Variants in CNTNAP2 observed in about 807,000 individuals in gnomAD.
The protein encoded by CNTNAP2 is contactin-associated protein-like 2.
Under a neutral mutation model 155.2 loss-of-function variants are expected in CNTNAP2, and 98 were observed. The observed-to-expected ratio is 0.63, with a 90% CI of 0.54 to 0.75. The LOEUF (loss-of-function observed/expected upper bound fraction) is 0.75, where lower values mean the gene tolerates loss of function less well. Ranked by LOEUF, CNTNAP2 falls within the 30% of genes least tolerant of loss-of-function variation. The pLI, the probability that CNTNAP2 is intolerant of heterozygous loss-of-function variation, is 0.00. For missense variants in CNTNAP2, 1,727 were observed against 1,688.1 expected, an observed-to-expected ratio of 1.02 and a Z score of -0.40; for synonymous variants, 651 against 631.2, an observed-to-expected ratio of 1.03 and a Z score of -0.47.
At chr7:147,636,923 G>A (rs1795190633) in intron 12 of CNTNAP2, among the ~76,000 whole-genome samples, 1 of 152,158 alleles carries the variant, frequency 6.6e-6, no homozygotes, top group Non-Finnish European at 1.5e-5. Context: ...AAGAGAAGAA[G>A]GAGTGGGTCC....
At chr7:146,708,495 A>G (rs1437015415) in intron 1 of CNTNAP2, among the ~76,000 whole-genome samples, 2 of 151,304 alleles carry the variant, frequency 1.3e-5, no homozygotes, top group Non-Finnish European at 2.9e-5. Flanking sequence ...TTAGCCTGAA[A>G]TATTAAAGTG....
chr7:146,449,275 A>G (rs1221528989), intron 1 of CNTNAP2, among the ~76,000 whole-genome samples: 1 of 152,070 alleles, frequency 6.6e-6, no homozygotes, highest in Non-Finnish European at 1.5e-5. Context: ...TGGCTGCTTT[A>G]AAATCCTTGT....
chr7:146,308,548 A>G (rs1384728997), intron 1 of CNTNAP2, among the ~76,000 whole-genome samples: 1 of 151,488 alleles, frequency 6.6e-6, no homozygotes, highest in African/African-American at 2.4e-5. Flanking sequence ...TTGCGGCACT[A>G]TTCACAATAG....
chr7:146,731,333 T>C (rs1406953659), intron 1 of CNTNAP2, among the ~76,000 whole-genome samples: 1 of 152,154 alleles, frequency 6.6e-6, no homozygotes, highest in Non-Finnish European at 1.5e-5. Context: ...ACACATCACG[T>C]GGAACCATGG....
intron 9 of CNTNAP2, among the ~76,000 whole-genome samples, chr7:147,369,331 C>G (rs1290649482): frequency 6.6e-6 from 1 of 152,174 alleles, no homozygotes; most frequent in Non-Finnish European, 1.5e-5. Flanking sequence ...TCTGTCTCCC[C>G]CAAGCTAAAC....
chr7:148,004,294 A>T (rs541007231), intron 15 of CNTNAP2, among the ~76,000 whole-genome samples: 28 of 152,322 alleles, frequency 1.8e-4, no homozygotes, highest in Middle Eastern at 3.4e-3. Context: ...TCTATTTTTT[A>T]AAAAAGTATT....
chr7:146,901,693 A>G (rs1425540594), intron 3 of CNTNAP2, among the ~76,000 whole-genome samples: 1 of 152,208 alleles, frequency 6.6e-6, no homozygotes, highest in Non-Finnish European at 1.5e-5. Context: ...ATTGGATATC[A>G]AAAACTAAAA....
chr7:146,957,770 C>G (rs1412667640), intron 3 of CNTNAP2, among the ~76,000 whole-genome samples: 1 of 152,034 alleles, frequency 6.6e-6, no homozygotes, highest in African/African-American at 2.4e-5. Context: ...AAAATACACA[C>G]CTACTATGTA....
In CNTNAP2 at chr7:146,596,823, A is replaced by G. The variant is rs562838134; in HGVS notation, c.98-177448A>G. Among the ~76,000 whole-genome samples, 31 of 152,206 alleles carry G rather than the reference A, an allele frequency of 2.0e-4. 1 individual carries two copies. Among genetic ancestry groups the G allele is most frequent in the African/African-American group, 7.5e-4 (31 of 41,566 alleles). ...CTGTTTCCTCATTTGTGAAATGCTGATTGAAATGATATCATATTTCATAAG... is the reference window on the plus strand; with the variant it reads ...CTGTTTCCTCATTTGTGAAATGCTGGTTGAAATGATATCATATTTCATAAG... On this transcript the variant is annotated intron_variant, in intron 1 of 23. Coordinates refer to ENST00000361727, the MANE Select transcript of CNTNAP2 (RefSeq NM_014141.6).
chr7:147,603,347 T>G (rs1246610609), intron 12 of CNTNAP2, among the ~76,000 whole-genome samples: 1 of 152,204 alleles, frequency 6.6e-6, no homozygotes, highest in Non-Finnish European at 1.5e-5. Context: ...GTTTTTTTCT[T>G]GTAAATTTGT....
chr7:148,397,914 A>C (rs142307849), intron 22 of CNTNAP2, among the ~76,000 whole-genome samples: 81 of 152,376 alleles, frequency 5.3e-4, no homozygotes, highest in African/African-American at 1.9e-3. Context: ...ACTCAAGAAG[A>C]GAACAGCTCA....
intron 11 of CNTNAP2, among the ~76,000 whole-genome samples, chr7:147,493,209 C>T (rs941600215): frequency 6.6e-6 from 1 of 152,148 alleles, no homozygotes; most frequent in African/African-American, 2.4e-5. Flanking sequence ...TCAATAAATG[C>T]TCTTTGAAAA....
rs141976694 is a variant in CNTNAP2 at position 147,962,502 on chromosome 7, T to G, written c.2256-15360T>G. ...GTATGAGCCCAAAGCAGAATTAGCC[T>G]TCTTTATACATGTGTTGAATTTGTG... On this transcript the variant is annotated intron_variant, in intron 14 of 23. Transcript: ENST00000361727. 5.0e-3 allele frequency among the ~76,000 whole-genome samples: 763 copies of G among 152,324 alleles called. 11 individuals carry two copies. The highest frequency in any genetic ancestry group is 0.018 in the African/African-American group (730 of 41,578).
chr7:146,323,572 C>T (rs1801043023), intron 1 of CNTNAP2, among the ~76,000 whole-genome samples: 1 of 151,950 alleles, frequency 6.6e-6, no homozygotes, highest in South Asian at 2.1e-4. Context: ...CATAAACAGA[C>T]ACATTAAAAT....
At chr7:147,492,865 G>A (rs956876661) in intron 11 of CNTNAP2, among the ~76,000 whole-genome samples, 26 of 151,992 alleles carry the variant, frequency 1.7e-4, no homozygotes, top group African/African-American at 5.8e-4. Flanking sequence ...CTCCGCCCCC[G>A]CTCCTCTGTG....
intron 3 of CNTNAP2, among the ~76,000 whole-genome samples, chr7:146,870,213 C>G (rs1373363040): frequency 7.0e-6 from 1 of 143,094 alleles, no homozygotes; most frequent in Non-Finnish European, 1.5e-5. Flanking sequence ...AGGTCCTGGG[C>G]TTTTTTTTTT....
At chr7:146,831,669 CAAAAAAAAAAAAAA>C (rs531970313) in intron 2 of CNTNAP2, among the ~76,000 whole-genome samples, 1 of 16,820 alleles carries the variant, frequency 5.9e-5, no homozygotes, top group Admixed American at 8.3e-4. Context: ...AGCAAGACGC[CAAAAAAAAAAAAAA>C]AAAAAAAAAA....
At chr7:147,673,097 T>C (rs1795815169) in intron 13 of CNTNAP2, 1 of 152,172 alleles carries the variant, frequency 6.6e-6, no homozygotes, top group South Asian at 2.1e-4. Flanking sequence ...ATCAATGGAT[T>C]TGATTCTACT....
Position 146,714,669 on chromosome 7 carries a change from C to T in CNTNAP2, c.98-59602C>T, listed in dbSNP as rs535039563. ...GACAAAAGTTTTCGAGTTAAGATAA[C>T]TAATTGGAAATCATATGGACATAAG... On this transcript the variant is annotated intron_variant, in intron 1 of 23. Coordinates refer to ENST00000361727, the MANE Select transcript of CNTNAP2 (RefSeq NM_014141.6). Among the ~76,000 whole-genome samples the T allele has an allele frequency of 6.6e-5, 10 of 152,094 alleles. No homozygotes were observed. In the South Asian group the frequency reaches 1.9e-3, roughly 28 times the overall value.
Sources: gnomAD v4.1 joint callset for allele counts (sites outside exome capture counted in the v4.1 genomes callset) on GRCh38, gnomAD v4.1.1 for gene constraint, MANE v1.5 for transcripts, NCBI Gene and HGNC (gene_info 2026-07-23, HGNC 2026-07-21) for gene names.